The following SMYD3 variants were observed in gnomAD, a reference collection of about 807,000 sequenced individuals.
SMYD3 encodes SET and MYND domain containing 3.
Under a neutral mutation model 57.7 loss-of-function variants are expected in SMYD3, and 36 were observed. That is an observed-to-expected ratio of 0.62 (90% CI 0.48 to 0.82). The LOEUF is 0.82. Ranked by LOEUF, SMYD3 falls within the 40% of genes least tolerant of loss-of-function variation. SMYD3 has a pLI of 0.00. For missense variants in SMYD3, 515 were observed against 538.8 expected (o/e 0.96, Z 0.44); for synonymous variants, 211 against 195.0 (o/e 1.08, Z -0.68).
At chr1:246,340,699 A>C (rs543256415) in intron 2 of SMYD3, among the ~76,000 whole-genome samples, 1 of 152,308 alleles carries the variant, frequency 6.6e-6, no homozygotes, top group South Asian at 2.1e-4. Context: ...GTTGACACAG[A>C]AATATTATTC....
At chr1:246,078,507 A>G (rs558980057) in intron 5 of SMYD3, among the ~76,000 whole-genome samples, 4 of 152,276 alleles carry the variant, frequency 2.6e-5, no homozygotes, top group Non-Finnish European at 5.9e-5. Context: ...GCCTATCTAG[A>G]CCATCTCCTC....
At chr1:245,824,333 A>G (rs1232600907) in intron 10 of SMYD3, among the ~76,000 whole-genome samples, 1 of 152,268 alleles carries the variant, frequency 6.6e-6, no homozygotes, top group Non-Finnish European at 1.5e-5. Flanking sequence ...GGTTAGCTGT[A>G]TACATGAATG....
intron 7 of SMYD3, among the ~76,000 whole-genome samples, chr1:245,918,309 C>T (rs2055595945): frequency 6.6e-6 from 1 of 152,020 alleles, no homozygotes; most frequent in Admixed American, 6.6e-5. Flanking sequence ...AGACTGCACC[C>T]AGATCTCTTG....
intron 8 of SMYD3, among the ~76,000 whole-genome samples, chr1:245,878,430 G>A (rs1035491204): frequency 4.6e-5 from 7 of 152,200 alleles, no homozygotes; most frequent in African/African-American, 1.4e-4. Context: ...GAAGCGGGTG[G>A]TGGGGACTCG....
At chr1:246,364,808 G>A (rs570297099) in intron 1 of SMYD3, among the ~76,000 whole-genome samples, 7 of 152,170 alleles carry the variant, frequency 4.6e-5, no homozygotes, top group African/African-American at 1.4e-4. Context: ...CCAAACAATC[G>A]GGCCCTAGAG....
intron 5 of SMYD3, chr1:245,930,372 C>T (rs1572719434): frequency 2.9e-6 from 1 of 343,396 alleles, no homozygotes; most frequent in Middle Eastern, 7.2e-4. Context: ...GTGATAGCAA[C>T]TTGTCTCTTA....
intron 5 of SMYD3, among the ~76,000 whole-genome samples, chr1:245,981,315 C>T (rs1259505900): frequency 6.6e-6 from 1 of 152,198 alleles, no homozygotes; most frequent in African/African-American, 2.4e-5. Context: ...GGATCTGCCA[C>T]TGCTGGGTGT....
chr1:245,794,850 T>C (rs1417482923), intron 10 of SMYD3, among the ~76,000 whole-genome samples: 1 of 152,242 alleles, frequency 6.6e-6, no homozygotes, highest in Non-Finnish European at 1.5e-5. Flanking sequence ...TCTCCTGTTC[T>C]TGTTTCACAT....
intron 5 of SMYD3, among the ~76,000 whole-genome samples, chr1:246,280,026 C>T (rs559937139): frequency 1.8e-4 from 28 of 152,146 alleles, no homozygotes; most frequent in African/African-American, 6.0e-4. Flanking sequence ...GATTTGGGAG[C>T]CTAGTCTTAT....
chr1:246,438,549 G>C (rs563962184), intron 1 of SMYD3, among the ~76,000 whole-genome samples: 4 of 152,092 alleles, frequency 2.6e-5, no homozygotes, highest in Admixed American at 6.5e-5. Context: ...CCCCCAGCAC[G>C]GATACCAAAA....
intron 1 of SMYD3, among the ~76,000 whole-genome samples, chr1:246,489,961 G>A (rs891365851): frequency 3.3e-5 from 5 of 150,210 alleles, no homozygotes; most frequent in African/African-American, 1.2e-4. Context: ...CCAACTACCT[G>A]GGACTAGAAG....
intron 10 of SMYD3, among the ~76,000 whole-genome samples, chr1:245,790,076 A>G (rs1256243190): frequency 6.6e-6 from 1 of 152,198 alleles, no homozygotes; most frequent in Non-Finnish European, 1.5e-5. Context: ...AGATACTGGA[A>G]AGTATTAACA....
chr1:246,224,728 A>G (rs891897376), intron 5 of SMYD3, among the ~76,000 whole-genome samples: 3 of 152,142 alleles, frequency 2.0e-5, no homozygotes, highest in East Asian at 3.8e-4. Context: ...AAAGCAGGGG[A>G]AACAGACTTT....
intron 5 of SMYD3, among the ~76,000 whole-genome samples, chr1:246,035,957 C>G (rs1309126744): frequency 6.6e-6 from 1 of 152,212 alleles, no homozygotes; most frequent in Non-Finnish European, 1.5e-5. Context: ...GGAGGGATGA[C>G]ACACCTACAA....
At chr1:245,904,546 C>G (rs1572644711) in intron 8 of SMYD3, among the ~76,000 whole-genome samples, 1 of 152,174 alleles carries the variant, frequency 6.6e-6, no homozygotes, top group Admixed American at 6.5e-5. Flanking sequence ...AGCATTTAAA[C>G]TAGCCCTAGC....
intron 5 of SMYD3, among the ~76,000 whole-genome samples, chr1:246,105,563 T>C (rs2061103122): frequency 6.6e-6 from 1 of 152,170 alleles, no homozygotes; most frequent in Non-Finnish European, 1.5e-5. Context: ...AACACCTTAC[T>C]GAAATGTCTA....
chr1:245,867,169 G>A (rs1030303568), intron 8 of SMYD3, among the ~76,000 whole-genome samples: 3 of 152,186 alleles, frequency 2.0e-5, no homozygotes, highest in African/African-American at 7.2e-5. Context: ...GTCCTTAGAA[G>A]TAGAAGAGGG....
intron 1 of SMYD3, among the ~76,000 whole-genome samples, chr1:246,470,565 A>G (rs2067947407): frequency 6.7e-6 from 1 of 149,776 alleles, no homozygotes; most frequent in African/African-American, 2.4e-5. Flanking sequence ...CTATATATAC[A>G]CACTATATAT....
chr1:246,359,805 A>G (rs2065961065), intron 1 of SMYD3, among the ~76,000 whole-genome samples: 1 of 152,174 alleles, frequency 6.6e-6, no homozygotes, highest in African/African-American at 2.4e-5. Flanking sequence ...TAGAAGGGAT[A>G]CACCTTAAGG....
Sources: gnomAD v4.1 joint callset for allele counts (sites outside exome capture counted in the v4.1 genomes callset) on GRCh38, gnomAD v4.1.1 for gene constraint, MANE v1.5 for transcripts, NCBI Gene and HGNC (gene_info 2026-07-23, HGNC 2026-07-21) for gene names.